The following CA10 variants were observed in gnomAD, a reference collection of about 807,000 sequenced individuals.
The protein encoded by CA10 is carbonic anhydrase 10 (inactive).
In CA10, 14 loss-of-function variants were observed where a neutral mutation model predicts 44.2. The ratio of observed to expected loss-of-function variants is 0.32; its 90% CI spans 0.21 to 0.50. The LOEUF (loss-of-function observed/expected upper bound fraction) is 0.50, where lower values mean the gene tolerates loss of function less well. CA10 is among the 20% of genes least tolerant of loss of function. CA10 has a pLI of 0.99. For missense variants in CA10, 350 were observed against 409.7 expected, an observed-to-expected ratio of 0.85 and a Z score of 1.26; for synonymous variants, 159 against 141.6, an observed-to-expected ratio of 1.12 and a Z score of -0.87.
intron 3 of CA10, among the ~76,000 whole-genome samples, chr17:51,839,117 T>C (rs1001702639): frequency 5.3e-5 from 8 of 152,282 alleles, no homozygotes; most frequent in African/African-American, 1.7e-4. Context: ...GTCAATTGCA[T>C]GTTCATTGTT....
chr17:51,660,726 C>T (rs989047028), intron 4 of CA10, among the ~76,000 whole-genome samples: 5 of 152,190 alleles, frequency 3.3e-5, no homozygotes, highest in African/African-American at 1.2e-4. Context: ...AGTGACAATG[C>T]TATCACCTTA....
At position 51,724,755 on chromosome 17, in the gene CA10, A is replaced by G. The variant is rs369048102; in HGVS notation, c.465+22878T>C. 2.6e-5 allele frequency among the ~76,000 whole-genome samples: 4 copies of G among 152,308 alleles called. No homozygotes were observed. The South Asian group carries it at 8.3e-4, about 32-fold the overall frequency. On this transcript the variant is annotated intron_variant, in intron 4 of 8. Coordinates refer to ENST00000451037, the MANE Select transcript of CA10 (RefSeq NM_020178.5). ...TTTCTCTTCCTGACTTGAGAATGAA[A>G]CTAAACCATGCCTATCCCTGAAGAC... is the stretch of plus-strand genomic sequence containing the variant.
chr17:51,766,932 GC>G (rs142636335), intron 3 of CA10, among the ~76,000 whole-genome samples: 3,198 of 152,300 alleles, frequency 0.021, 135 homozygotes, highest in African/African-American at 0.074. Context: ...GACTGGCAAT[GC>G]CCGTTAGCTT....
At chr17:51,926,746 G>A (rs1178010174) in intron 3 of CA10, among the ~76,000 whole-genome samples, 1 of 152,008 alleles carries the variant, frequency 6.6e-6, no homozygotes, top group East Asian at 1.9e-4. Flanking sequence ...TGGTTACAAG[G>A]GGTTTGCCTG....
intron 2 of CA10, among the ~76,000 whole-genome samples, chr17:51,969,923 C>T (rs1001113473): frequency 3.3e-5 from 5 of 152,038 alleles, no homozygotes; most frequent in African/African-American, 9.7e-5. Flanking sequence ...CTCTTCACAG[C>T]TGTCTGACAG....
chr17:51,996,817 CA>C (rs1260625024), intron 2 of CA10, among the ~76,000 whole-genome samples: 3 of 151,954 alleles, frequency 2.0e-5, no homozygotes, highest in Non-Finnish European at 4.4e-5. Context: ...CAAATGAGAG[CA>C]AAAACTTACC....
At chr17:51,916,819 A>G (rs527402421) in intron 3 of CA10, among the ~76,000 whole-genome samples, 1 of 152,242 alleles carries the variant, frequency 6.6e-6, no homozygotes, top group South Asian at 2.1e-4. Context: ...GGTAGTGCCA[A>G]CTGGGCCTGG....
chr17:51,777,169 C>T (rs575302905), intron 3 of CA10, among the ~76,000 whole-genome samples: 12 of 152,154 alleles, frequency 7.9e-5, no homozygotes, highest in South Asian at 2.1e-4. Context: ...GCATTTACTG[C>T]GATAGGAAGG....
chr17:52,141,209 G>A (rs917728629), intron 1 of CA10, among the ~76,000 whole-genome samples: 4 of 152,136 alleles, frequency 2.6e-5, no homozygotes, highest in African/African-American at 9.7e-5. Flanking sequence ...GCTACTCTAA[G>A]CTCCTCTGAG....
chr17:51,649,141 T>C, intron 6 of CA10, 41 bp downstream of exon 6: 1 of 1,480,610 alleles, frequency 6.8e-7, no homozygotes, highest in Non-Finnish European at 9.4e-7. Context: ...GGTCTAACCT[T>C]TATAGAATAG....
chr17:52,036,957 C>A (rs1986636497), intron 2 of CA10, among the ~76,000 whole-genome samples: 1 of 152,084 alleles, frequency 6.6e-6, no homozygotes, highest in South Asian at 2.1e-4. Flanking sequence ...GGACTCTAGT[C>A]CCTGCCTGAC....
At chr17:51,894,956 C>T (rs889364009) in intron 3 of CA10, among the ~76,000 whole-genome samples, 1 of 151,950 alleles carries the variant, frequency 6.6e-6, no homozygotes, top group Non-Finnish European at 1.5e-5. Context: ...AACTGAGTCC[C>T]TTATGGCAAA....
intron 3 of CA10, among the ~76,000 whole-genome samples, chr17:51,901,835 C>A (rs958302213): frequency 6.6e-6 from 1 of 152,142 alleles, no homozygotes; most frequent in Admixed American, 6.6e-5. Context: ...TTCACCCTCT[C>A]ATTTTGTCCT....
At chr17:52,038,042 T>C (rs1176152751) in intron 2 of CA10, among the ~76,000 whole-genome samples, 4 of 152,156 alleles carry the variant, frequency 2.6e-5, no homozygotes, top group African/African-American at 9.7e-5. Context: ...TCCAATTGTT[T>C]CGTTGTATCC....
intron 4 of CA10, among the ~76,000 whole-genome samples, chr17:51,710,608 T>C (rs1915907085): frequency 6.6e-6 from 1 of 152,136 alleles, no homozygotes; most frequent in Non-Finnish European, 1.5e-5. Flanking sequence ...TTTTTGTTTT[T>C]CTGAGAAAAG....
At chr17:51,738,246 T>G (rs529417483) in intron 4 of CA10, among the ~76,000 whole-genome samples, 6 of 152,246 alleles carry the variant, frequency 3.9e-5, no homozygotes, top group African/African-American at 7.2e-5. Context: ...TTTATCGATA[T>G]GTCAGTGCAA....
At chr17:51,851,381 G>A (rs1339857532) in intron 3 of CA10, among the ~76,000 whole-genome samples, 1 of 152,138 alleles carries the variant, frequency 6.6e-6, no homozygotes, top group Non-Finnish European at 1.5e-5. Context: ...AGCCAAACCT[G>A]CATTCAAACC....
At chr17:52,065,769 C>G (rs1987519706) in intron 2 of CA10, among the ~76,000 whole-genome samples, 2 of 152,214 alleles carry the variant, frequency 1.3e-5, no homozygotes, top group Admixed American at 1.3e-4. Context: ...AGTGAACATT[C>G]TCTTCCAAGC....
Position 51,820,322 on chromosome 17 carries a change from TTCAG to T in CA10, c.280-72508_280-72505del, listed in dbSNP as rs1208657850. Among the ~76,000 whole-genome samples the T allele has an allele frequency of 2.0e-5, 3 of 151,084 alleles. No homozygotes were observed. The South Asian group carries it at 6.3e-4, about 32-fold the overall frequency. Reference sequence around the variant, plus strand: ...CTCCCCAACTGACACACAGTGGGTATTCAGTCAATGTTTGTCGGATGACTCATGG... The same window carrying T: ...CTCCCCAACTGACACACAGTGGGTATTCAATGTTTGTCGGATGACTCATGG... On this transcript the variant is annotated intron_variant, in intron 3 of 8. Coordinates refer to ENST00000451037, the MANE Select transcript of CA10 (RefSeq NM_020178.5).
Sources: gnomAD v4.1 joint callset for allele counts (sites outside exome capture counted in the v4.1 genomes callset) on GRCh38, gnomAD v4.1.1 for gene constraint, MANE v1.5 for transcripts, NCBI Gene and HGNC (gene_info 2026-07-23, HGNC 2026-07-21) for gene names.